The following LAMA5 variants were observed in gnomAD, a reference collection of about 807,000 sequenced individuals.
LAMA5 encodes laminin subunit alpha-5.
Under a neutral mutation model 433.4 loss-of-function variants are expected in LAMA5, and 260 were observed. The observed-to-expected ratio is 0.60, with a 90% CI of 0.54 to 0.66. The LOEUF (loss-of-function observed/expected upper bound fraction) is 0.66. LAMA5 is among the 30% of genes least tolerant of loss of function. The pLI is 0.00. For synonymous variants in LAMA5, 2,620 were observed against 2,226.6 expected (o/e 1.18, Z -4.97); for missense variants, 5,378 against 5,258.5 (o/e 1.02, Z -0.70).
At chr20:62,326,233 A>C (rs770697039) in intron 40 of LAMA5, among the ~76,000 whole-genome samples, 3 of 56,298 alleles carry the variant, frequency 5.3e-5, no homozygotes, top group Non-Finnish European at 1.3e-4. Context: ...ACAAACAAAC[A>C]AAAAAAAAAA....
chr20:62,356,888 A>T (rs1568983571), intron 2 of LAMA5, among the ~76,000 whole-genome samples: 1 of 152,320 alleles, frequency 6.6e-6, no homozygotes, highest in African/African-American at 2.4e-5. Flanking sequence ...CCCCGCAGAG[A>T]CGCTGAGAGG....
At position 62,336,339 on chromosome 20, in the gene LAMA5, C is replaced by G; in HGVS notation, c.2323+1G>C. On this transcript the variant is annotated splice_donor_variant, in intron 18 of 79. Transcript: ENST00000252999. LOFTEE classifies it high-confidence loss of function. Reference sequence around the variant, plus strand: ...ACCCCAATACTCCAGGGCACACTCACGGGTACAGCCCTCGGGGTTGCTGGG... The same window carrying G: ...ACCCCAATACTCCAGGGCACACTCAGGGGTACAGCCCTCGGGGTTGCTGGG... 6.2e-7 allele frequency: 1 copy of G among 1,601,828 alleles called. No individual in the cohort carries two copies. Among genetic ancestry groups the G allele is most frequent in the Non-Finnish European group, 8.5e-7 (1 of 1,172,738 alleles).
At chr20:62,317,063 G>C (rs372184114) in intron 55 of LAMA5, 40 bp from the exon 56 acceptor site, 1 of 1,495,112 alleles carries the variant, frequency 6.7e-7, no homozygotes, top group African/African-American at 1.4e-5. Flanking sequence ...GGTAAGCGCA[G>C]ACGCCCTCGG....
chr20:62,327,069 G>C lies in LAMA5; in HGVS notation c.5113-103C>G, dbSNP rs369230790. The stretch of plus-strand genomic sequence containing the variant: ...CCCCCAGCACAGAGCCCTGTGCTGG[G>C]CCTGGATACTTGCGCTCATTCCCTA... On this transcript the variant is annotated intron_variant, in intron 38 of 79. Coordinates refer to ENST00000252999, the MANE Select transcript of LAMA5 (RefSeq NM_005560.6). The C allele has an allele frequency of 3.0e-5, 33 of 1,112,550 alleles. No individual in the cohort carries two copies. In the African/African-American group the frequency reaches 4.1e-4, roughly 14 times the overall value. 68.9% of individuals were successfully genotyped at this position (1,112,550 alleles called of 1,614,324 possible). A position where few individuals can be genotyped will look rare whatever the true frequency, so the allele number is the denominator to read the frequency against.
Position 62,310,757 on chromosome 20 carries a change from G to T in LAMA5, c.10354C>A (p.Pro3452Thr). ...TCTGCCCCCTGGTGCTGCCGGTGCG[G>T]CCCCTCCTGGCTCCAGGCCCGGGCC... ...DGARAWSQEG[P>T]HRQHQGAEHP... The change falls in exon 75 of 80, where the codon CCG becomes ACG. Residue 3452 changes from proline to threonine, a missense_variant. Pro to Thr is a conservative substitution (Grantham distance 38). Coordinates refer to ENST00000252999, the MANE Select transcript of LAMA5 (RefSeq NM_005560.6). 6.4e-7 allele frequency: 1 copy of T among 1,566,812 alleles called. No homozygotes were observed.
chr20:62,309,394 A>G lies in LAMA5; in HGVS notation c.11030T>C (p.Met3677Thr). Residue 3677 changes from methionine to threonine, a missense_variant, in exon 80 of 80, where the codon ATG becomes ACG. Physicochemically the swap from Met to Thr is moderately conservative, Grantham distance 81 (BLOSUM62 -1). Transcript: ENST00000252999. Reference sequence around the variant, plus strand: ...CCCGTGGACCTCCACAGAGCGAGTCATGGCGACGGGGGACCGGTTCACCGC... The same window carrying G: ...CCCGTGGACCTCCACAGAGCGAGTCGTGGCGACGGGGGACCGGTTCACCGC... ...RLAVNRSPVA[M>T]TRSVEVHGAV... 1.3e-6 allele frequency: 2 copies of G among 1,588,102 alleles called. No individual in the cohort carries two copies. Among genetic ancestry groups the G allele is most frequent in the South Asian group, 1.1e-5 (1 of 88,600 alleles).
intron 11 of LAMA5, among the ~76,000 whole-genome samples, chr20:62,341,438 T>C (rs1266706835): frequency 6.6e-6 from 1 of 152,232 alleles, no homozygotes; most frequent in Non-Finnish European, 1.5e-5. Flanking sequence ...CTCTTTGTTA[T>C]GTGTGCAGGA....
In LAMA5 at chr20:62,314,941, G is replaced by C; in HGVS notation, c.8054C>G (p.Thr2685Ser). ...CAGCTGGGGCAGCGTCTTCTCCAGG[G>C]TGGACACTGCAGAGAGGGAGACCTG... Reference protein sequence around the residue: ...AVLDAGHSVSTLEKTLPQLLA... With the variant: ...AVLDAGHSVSSLEKTLPQLLA... The change falls in exon 60 of 80, where the codon ACC (threonine) becomes AGC (serine). Residue 2685 changes from threonine (T) to serine (S), a missense_variant. By Grantham distance (58) the Thr-to-Ser change is moderately conservative. Transcript: ENST00000252999. 2 of 1,600,370 alleles carry C rather than the reference G, an allele frequency of 1.2e-6. No individual in the cohort carries two copies. Among genetic ancestry groups the C allele is most frequent in the South Asian group, 1.1e-5 (1 of 90,550 alleles).
chr20:62,336,837 G>T, intron 16 of LAMA5, 51 bp from the exon 17 acceptor site: 2 of 1,586,176 alleles, frequency 1.3e-6, no homozygotes. Flanking sequence ...CAACCCGGAA[G>T]GCCAAGGGTG....
intron 40 of LAMA5, among the ~76,000 whole-genome samples, chr20:62,326,248 A>T (rs1020977091): frequency 6.6e-6 from 1 of 151,846 alleles, no homozygotes; most frequent in Non-Finnish European, 1.5e-5. Context: ...AAAAAAAACA[A>T]AGAAAAACCA....
At position 62,317,440 on chromosome 20, in the gene LAMA5, C is replaced by T. The variant is rs138561117; in HGVS notation, c.7416G>A (p.Met2472Ile). 9.6e-5 allele frequency: 154 copies of T among 1,599,336 alleles called. No homozygotes were observed. The African/African-American group carries it at 1.9e-3, about 20-fold the overall frequency. ...TGCTGCCCGCCGGGGAGAAGGTCTG[C>T]ATCCTCTGCAGCAGTGGGGTCCGAG... ...DGARTPLLQRMQTFSPAGSKL... is the reference protein window; with the variant it reads ...DGARTPLLQRIQTFSPAGSKL... Residue 2472 changes from methionine to isoleucine, a missense_variant, in exon 55 of 80, where the codon ATG becomes ATA. Transcript: ENST00000252999.
chr20:62,327,837 G>T, intron 36 of LAMA5, 29 bp downstream of exon 36: 1 of 1,590,678 alleles, frequency 6.3e-7, no homozygotes, highest in Non-Finnish European at 8.6e-7. Flanking sequence ...CGGAGGGAGA[G>T]GCCAGATCTG....
chr20:62,337,758 T>G (rs750879285), intron 15 of LAMA5, 31 bp from the exon 16 acceptor site: 2 of 1,608,176 alleles, frequency 1.2e-6, no homozygotes, highest in South Asian at 2.2e-5. Flanking sequence ...GGGCACGCAG[T>G]GGAGACTGCA....
Position 62,309,205 on chromosome 20 carries a change from TTA to T in LAMA5, c.*129_*130del. The T allele has an allele frequency of 1.1e-6, 1 of 942,018 alleles. No individual in the cohort carries two copies. The highest frequency in any genetic ancestry group is 1.5e-6 in the Non-Finnish European group (1 of 659,866). The allele number at this position is 942,018 out of a possible 1,614,324, so 58.4% of individuals were successfully genotyped here. On this transcript the variant is annotated 3_prime_UTR_variant, in exon 80 of 80. Transcript: ENST00000252999. ...ATTCTTTCGTTTAAGAAGCTATAAC[TTA>T]AACCATCTTCAGAAACAAGATCTGT...
intron 51 of LAMA5, 54 bp from the exon 52 acceptor site, chr20:62,319,067 G>A (rs1387546530): frequency 2.8e-6 from 4 of 1,447,052 alleles, no homozygotes; most frequent in Non-Finnish European, 3.6e-6. Flanking sequence ...GTGCACCTCT[G>A]CCTGCTGGCT....
Position 62,310,980 on chromosome 20 carries a change from G to T in LAMA5, c.10203C>A (p.Phe3401Leu). 1 of 1,611,588 alleles carries T rather than the reference G, an allele frequency of 6.2e-7. No individual in the cohort carries two copies. The highest frequency in any genetic ancestry group is 1.1e-5 in the South Asian group (1 of 91,008). Reference protein sequence around the residue: ...SLALFLSNGHFVAQMEGLGTR... With the variant: ...SLALFLSNGHLVAQMEGLGTR... ...TCCCGAGGCCTTCCATCTGTGCAACGAAGTGGCCATTGCTCAGGAAGAGCG... is the reference window on the plus strand; with the variant it reads ...TCCCGAGGCCTTCCATCTGTGCAACTAAGTGGCCATTGCTCAGGAAGAGCG... Residue 3401 changes from phenylalanine to leucine, a missense_variant, in exon 74 of 80, where the codon TTC (phenylalanine) becomes TTA (leucine). Transcript: ENST00000252999.
At chr20:62,345,765 G>T in intron 11 of LAMA5, 53 bp downstream of exon 11, 1 of 1,312,172 alleles carries the variant, frequency 7.6e-7, no homozygotes. Flanking sequence ...CTGTGAAGCC[G>T]CCCCCATGGC....
chr20:62,352,319 G>GCGT lies in LAMA5; in HGVS notation c.607_609dup (p.Thr203dup). On this transcript the variant is annotated inframe_insertion, in exon 4 of 80. Coordinates refer to ENST00000252999, the MANE Select transcript of LAMA5 (RefSeq NM_005560.6). ...GCGTCGTCCCGTGTGATGCGCTCCAGCGTCTGTGGCCCGAACCGCTCCAGA... is the reference window on the plus strand; with the variant it reads ...GCGTCGTCCCGTGTGATGCGCTCCAGCGTCGTCTGTGGCCCGAACCGCTCCAGA... 1.9e-6 allele frequency: 3 copies of GCGT among 1,599,932 alleles called. No individual in the cohort carries two copies. The highest frequency in any genetic ancestry group is 1.7e-6 in the Non-Finnish European group (2 of 1,179,724).
At position 62,325,522 on chromosome 20, in the gene LAMA5, G is replaced by T. The variant is rs148692302; in HGVS notation, c.5323C>A (p.Arg1775Ser). 6.2e-7 allele frequency: 1 copy of T among 1,611,264 alleles called. No individual in the cohort carries two copies. Among genetic ancestry groups the T allele is most frequent in the African/African-American group, 1.3e-5 (1 of 75,008 alleles). The change falls in exon 41 of 80, where the codon CGC (arginine) becomes AGC (serine). Residue 1775 changes from arginine (R) to serine (S), a missense_variant. Coordinates refer to ENST00000252999, the MANE Select transcript of LAMA5 (RefSeq NM_005560.6). ...AGCTCCTCGCGGGACACAGTGTTGC[G>T]CGTCTCCGTATGCCGGAAGTTCCCC... ...VEGNFRHTET[R>S]NTVSREELMM...
Sources: gnomAD v4.1 joint callset for allele counts (sites outside exome capture counted in the v4.1 genomes callset) on GRCh38, gnomAD v4.1.1 for gene constraint, MANE v1.5 for transcripts, NCBI Gene and HGNC (gene_info 2026-07-23, HGNC 2026-07-21) for gene names.